Variants in SNTB1 observed in about 807,000 individuals in gnomAD.
The protein encoded by SNTB1 is beta-1-syntrophin.
Under a neutral mutation model 48.9 loss-of-function variants are expected in SNTB1, and 36 were observed. The ratio of observed to expected loss-of-function variants is 0.74; its 90% CI spans 0.56 to 0.97. The LOEUF (loss-of-function observed/expected upper bound fraction) is 0.97, where lower values mean the gene tolerates loss of function less well. Among genes scored for constraint, SNTB1 ranks in the 50% least tolerant of loss-of-function variants. The pLI is 0.00. For synonymous variants in SNTB1, 299 were observed against 294.6 expected (o/e 1.01, Z -0.15); for missense variants, 786 against 703.4 (o/e 1.12, Z -1.33).
chr8:120,592,581 C>A (rs1816259037), intron 3 of SNTB1, among the ~76,000 whole-genome samples: 1 of 152,220 alleles, frequency 6.6e-6, no homozygotes, highest in African/African-American at 2.4e-5. Context: ...ATTTGTTAAG[C>A]ACATGCTATG....
intron 3 of SNTB1, among the ~76,000 whole-genome samples, chr8:120,629,232 T>C (rs974736037): frequency 1.3e-5 from 2 of 152,196 alleles, no homozygotes; most frequent in Non-Finnish European, 2.9e-5. Flanking sequence ...GACTATCTCA[T>C]GAAGAAAAAT....
At chr8:120,745,743 T>G (rs12549873) in intron 1 of SNTB1, among the ~76,000 whole-genome samples, 19,999 of 152,064 alleles carry the variant, frequency 0.13, 1,724 homozygotes, top group African/African-American at 0.24. Context: ...CAAACCATAG[T>G]GAATTTCTCT....
intron 2 of SNTB1, chr8:120,654,879 C>A (rs1370158953): frequency 4.8e-6 from 2 of 420,254 alleles, no homozygotes; most frequent in Non-Finnish European, 4.7e-6. Context: ...TTCAAGTGAC[C>A]TTTCCCCTCC....
intron 1 of SNTB1, among the ~76,000 whole-genome samples, chr8:120,712,922 G>A (rs1818488576): frequency 6.6e-6 from 1 of 152,094 alleles, no homozygotes; most frequent in South Asian, 2.1e-4. Flanking sequence ...CATTACACAT[G>A]CCGCACACCT....
At chr8:120,788,689 C>G (rs1289522645) in intron 1 of SNTB1, among the ~76,000 whole-genome samples, 2 of 152,014 alleles carry the variant, frequency 1.3e-5, no homozygotes, top group Non-Finnish European at 1.5e-5. Flanking sequence ...ACAAGAAGAT[C>G]TAGCAATTCT....
intron 3 of SNTB1, among the ~76,000 whole-genome samples, chr8:120,626,127 T>TG (rs1231939545): frequency 6.6e-6 from 1 of 151,996 alleles, no homozygotes; most frequent in Admixed American, 6.6e-5. Context: ...TACCTAGAAT[T>TG]GGGGGGGATG....
intron 1 of SNTB1, among the ~76,000 whole-genome samples, chr8:120,720,244 T>TCTCCCTCCAG (rs1175135068): frequency 6.6e-6 from 1 of 152,226 alleles, no homozygotes; most frequent in Non-Finnish European, 1.5e-5. Flanking sequence ...GAGGCTGTCC[T>TCTCCCTCCAG]CTCCCTCCAG....
chr8:120,764,473 C>T (rs1819481558), intron 1 of SNTB1, among the ~76,000 whole-genome samples: 1 of 152,192 alleles, frequency 6.6e-6, no homozygotes, highest in African/African-American at 2.4e-5. Flanking sequence ...GTGGTTACTT[C>T]TAAAGACAGG....
intron 3 of SNTB1, among the ~76,000 whole-genome samples, chr8:120,602,348 A>G (rs1816433742): frequency 6.6e-6 from 1 of 152,194 alleles, no homozygotes; most frequent in Non-Finnish European, 1.5e-5. Flanking sequence ...ATATCAGTCT[A>G]GGTGTTGCTG....
chr8:120,805,747 A>G (rs1432351969), intron 1 of SNTB1, among the ~76,000 whole-genome samples: 1 of 152,236 alleles, frequency 6.6e-6, no homozygotes, highest in Non-Finnish European at 1.5e-5. Context: ...AAAAGAAAAC[A>G]GAAGACCAAT....
In SNTB1 at chr8:120,538,943, C is replaced by T. The variant is rs1174101721; in HGVS notation, c.1551G>A (p.Lys517=). 3.7e-6 allele frequency: 6 copies of T among 1,613,512 alleles called. No individual in the cohort carries two copies. In the South Asian group the frequency reaches 6.6e-5, roughly 18 times the overall value. The part of the protein sequence containing the change: ...EIQLDLHSCP[K]PIVFIIHSFL... The stretch of plus-strand genomic sequence containing the variant: ...AGGAATGAATGATGAAAACAATTGG[C>T]TTGGGGCAGGAATGAAGGTCCAGTT... The change falls in exon 7 of 7, where the codon AAG becomes AAA. Residue 517 remains lysine, a synonymous_variant. Transcript: ENST00000517992.
chr8:120,688,282 G>T (rs1818067148), intron 2 of SNTB1, among the ~76,000 whole-genome samples: 2 of 152,150 alleles, frequency 1.3e-5, no homozygotes, highest in Non-Finnish European at 2.9e-5. Flanking sequence ...TTAATGGATT[G>T]TCCTGGTTTC....
intron 3 of SNTB1, among the ~76,000 whole-genome samples, chr8:120,627,856 T>C (rs747738089): frequency 6.6e-5 from 10 of 152,174 alleles, no homozygotes; most frequent in Non-Finnish European, 1.3e-4. Flanking sequence ...ACTTTGGAGT[T>C]AGAAAGAGAA....
At chr8:120,703,910 C>A (rs984164032) in intron 1 of SNTB1, among the ~76,000 whole-genome samples, 6 of 152,188 alleles carry the variant, frequency 3.9e-5, no homozygotes, top group Admixed American at 2.6e-4. Flanking sequence ...AGTAGGCATA[C>A]TATTACGCCT....
chr8:120,566,153 C>T (rs1212536958), intron 4 of SNTB1, among the ~76,000 whole-genome samples: 1 of 151,780 alleles, frequency 6.6e-6, no homozygotes, highest in East Asian at 1.9e-4. Context: ...CAAAAATTAG[C>T]CAGTGTCTTT....
At chr8:120,701,383 G>C (rs539924698) in intron 1 of SNTB1, among the ~76,000 whole-genome samples, 44 of 152,094 alleles carry the variant, frequency 2.9e-4, no homozygotes, top group Admixed American at 5.2e-4. Flanking sequence ...CATTTTCTTC[G>C]CCTGTCAAAG....
At chr8:120,650,039 A>G (rs9297624) in intron 2 of SNTB1, among the ~76,000 whole-genome samples, 60,648 of 151,610 alleles carry the variant, frequency 0.4, 13,131 homozygotes, top group Non-Finnish European at 0.49. Context: ...CGCACGGTGC[A>G]CGCACCCACT....
At chr8:120,707,706 A>T (rs1202780795) in intron 1 of SNTB1, among the ~76,000 whole-genome samples, 2 of 152,224 alleles carry the variant, frequency 1.3e-5, no homozygotes, top group Non-Finnish European at 2.9e-5. Flanking sequence ...ATCTTACTGC[A>T]ATAGATATTC....
At chr8:120,619,308 TATAG>T (rs1039801816) in intron 3 of SNTB1, among the ~76,000 whole-genome samples, 2 of 147,708 alleles carry the variant, frequency 1.4e-5, no homozygotes, top group African/African-American at 5.2e-5. Context: ...CATATATATA[TATAG>T]AGAGAGAGAG....
Sources: allele counts gnomAD v4.1 joint callset (sites outside exome capture counted in the v4.1 genomes callset), GRCh38; gene constraint gnomAD v4.1.1; transcripts MANE v1.5; gene names NCBI Gene and HGNC (gene_info 2026-07-23, HGNC 2026-07-21).